The following POLA1 variants were observed in gnomAD, a reference collection of about 807,000 sequenced individuals.
POLA1 encodes DNA polymerase alpha 1, catalytic subunit, also known as DNA polymerase alpha catalytic subunit.
A neutral mutation model predicts 124.0 loss-of-function variants in POLA1; 15 were observed. The ratio of observed to expected loss-of-function variants is 0.12; its 90% CI spans 0.08 to 0.19. The LOEUF is 0.19. POLA1 is among the 10% of genes least tolerant of loss of function. The pLI, the probability that POLA1 is intolerant of heterozygous loss-of-function variation, is 1.00. For missense variants in POLA1, 886 were observed against 1,103.4 expected (o/e 0.80, Z 2.79); for synonymous variants, 408 against 389.4 (o/e 1.05, Z -0.56).
chrX:24,779,712 A>G (rs1038978538), intron 26 of POLA1, among the ~76,000 whole-genome samples: 1 of 111,883 alleles, frequency 8.9e-6, no homozygotes, highest in African/African-American at 3.3e-5. Context: ...GAGGCTTTAT[A>G]TATGTTAACT....
intron 35 of POLA1, among the ~76,000 whole-genome samples, chrX:24,912,012 CAG>C (rs1181513718): frequency 1.8e-5 from 2 of 112,362 alleles, no homozygotes; most frequent in Non-Finnish European, 3.8e-5. Flanking sequence ...GTAATCAAGA[CAG>C]TGTGGAACTG....
Position 24,709,470 on chromosome X carries a change from G to A in POLA1, c.346+5001G>A, listed in dbSNP as rs1929174472. On this transcript the variant is annotated intron_variant, in intron 4 of 36. Coordinates refer to ENST00000379068, the MANE Select transcript of POLA1 (RefSeq NM_001330360.2). ...CCCCCACCTCCCTCCCGGATGGGGC[G>A]GCTGGCCTGGCGGGGGCTGACCCCC... 2.8e-5 allele frequency among the ~76,000 whole-genome samples: 3 copies of A among 108,957 alleles called. No homozygotes were observed. The East Asian group carries it at 9.3e-4, about 34-fold the overall frequency. The allele number at this position is 108,957 out of a possible 115,157, so 94.6% of individuals were successfully genotyped here.
intron 34 of POLA1, among the ~76,000 whole-genome samples, chrX:24,868,916 A>G (rs1248161849): frequency 8.9e-6 from 1 of 111,756 alleles, no homozygotes; most frequent in Non-Finnish European, 1.9e-5. Context: ...GAGAGAAGAT[A>G]TGAGTGCTTG....
At chrX:24,943,494 G>C (rs1328443259) in intron 36 of POLA1, among the ~76,000 whole-genome samples, 1 of 112,060 alleles carries the variant, frequency 8.9e-6, no homozygotes, top group Non-Finnish European at 1.9e-5. Flanking sequence ...AAGTTTACTG[G>C]TATATTATAT....
intron 36 of POLA1, among the ~76,000 whole-genome samples, chrX:24,984,896 A>T (rs1009284613): frequency 9.1e-6 from 1 of 110,007 alleles, no homozygotes; most frequent in Non-Finnish European, 1.9e-5. Context: ...TCCTGACCTC[A>T]TGATCCGCCC....
chrX:24,984,391 C>T (rs968306865), intron 36 of POLA1, among the ~76,000 whole-genome samples: 7 of 111,983 alleles, frequency 6.3e-5, no homozygotes, highest in African/African-American at 2.3e-4. Context: ...TTCATCTTCT[C>T]TGCTATCATT....
intron 36 of POLA1, among the ~76,000 whole-genome samples, chrX:24,975,983 A>G (rs1178045744): frequency 1.8e-5 from 2 of 112,526 alleles, no homozygotes; most frequent in African/African-American, 3.2e-5. Context: ...TTTACTCACC[A>G]CAGTGCTAGA....
At chrX:24,853,629 C>T (rs1330119876) in intron 34 of POLA1, among the ~76,000 whole-genome samples, 1 of 112,153 alleles carries the variant, frequency 8.9e-6, no homozygotes, top group African/African-American at 3.2e-5. Context: ...ACAAATGTTC[C>T]AGTGAAAACT....
chrX:24,996,125 G>T lies in POLA1; in HGVS notation c.*175G>T. 2.4e-6 allele frequency: 1 copy of T among 414,519 alleles called. No homozygotes were observed. Among genetic ancestry groups the T allele is most frequent in the Non-Finnish European group, 4.2e-6 (1 of 238,977 alleles). 34.2% of individuals were successfully genotyped at this position (414,519 alleles called of 1,213,427 possible). On this transcript the variant is annotated 3_prime_UTR_variant, in exon 37 of 37. Transcript: ENST00000379068. ...TGCAAAAATGTTGAGTCTAATGTTC[G>T]TAAGCATCATAGAAATTCCTGTCTT...
At chrX:24,982,034 G>A (rs1368092978) in intron 36 of POLA1, among the ~76,000 whole-genome samples, 2 of 108,962 alleles carry the variant, frequency 1.8e-5, no homozygotes, top group African/African-American at 3.3e-5. Flanking sequence ...CCCCTTTTGC[G>A]TGGTGGTTGG....
intron 26 of POLA1, among the ~76,000 whole-genome samples, chrX:24,759,651 A>G (rs1932765704): frequency 2.7e-5 from 3 of 112,649 alleles, no homozygotes; most frequent in Non-Finnish European, 5.6e-5. Flanking sequence ...AGATAGGGAC[A>G]GAGTATTTTT....
At chrX:24,995,769 A>T (rs769548330) in intron 36 of POLA1, 36 bp from the exon 37 acceptor site, 19 of 1,153,373 alleles carry the variant, frequency 1.6e-5, no homozygotes, top group Non-Finnish European at 2.2e-5. Flanking sequence ...TAAAGAAACT[A>T]CCTGAGACTT....
At chrX:24,885,599 A>C (rs1049088177) in intron 34 of POLA1, among the ~76,000 whole-genome samples, 1 of 110,035 alleles carries the variant, frequency 9.1e-6, no homozygotes, top group Admixed American at 9.7e-5. Context: ...CAGTGGTGCA[A>C]TCTTGGCTCA....
chrX:24,781,581 G>A (rs1355689889), intron 26 of POLA1, among the ~76,000 whole-genome samples: 3 of 111,380 alleles, frequency 2.7e-5, no homozygotes, highest in Admixed American at 1.9e-4. Context: ...GAGAAATGTC[G>A]GGTTAGCTCT....
rs780596969 is a variant in POLA1 at position 24,983,575 on chromosome X, C to T, written c.4262-12230C>T. 1.3e-3 allele frequency among the ~76,000 whole-genome samples: 145 copies of T among 112,517 alleles called. 2 individuals carry two copies. The highest frequency in any genetic ancestry group is 4.4e-3 in the African/African-American group (136 of 30,987). On this transcript the variant is annotated intron_variant, in intron 36 of 36. Coordinates refer to ENST00000379068, the MANE Select transcript of POLA1 (RefSeq NM_001330360.2). Reference sequence around the variant, plus strand: ...CAGTATTGTTAAGAGTCTCCACGTTCTTAGCCTTATGTTAATTCAGAGTTC... The same window carrying T: ...CAGTATTGTTAAGAGTCTCCACGTTTTTAGCCTTATGTTAATTCAGAGTTC...
At chrX:24,869,912 T>C (rs1405549643) in intron 34 of POLA1, among the ~76,000 whole-genome samples, 2 of 112,510 alleles carry the variant, frequency 1.8e-5, no homozygotes, top group Non-Finnish European at 1.9e-5. Flanking sequence ...TGTTTTAATA[T>C]AGACCCAGCA....
At chrX:24,766,919 A>T (rs1932917990) in intron 26 of POLA1, among the ~76,000 whole-genome samples, 1 of 112,183 alleles carries the variant, frequency 8.9e-6, no homozygotes, top group African/African-American at 3.2e-5. Context: ...TTAGTTTTTT[A>T]AAATTCTCCT....
chrX:24,887,862 A>G, intron 34 of POLA1, 144 bp from the exon 35 acceptor site: 6 of 411,838 alleles, frequency 1.5e-5, no homozygotes, highest in Middle Eastern at 4.6e-4. Flanking sequence ...TCTAATTAAC[A>G]TGTCAGGAGA....
chrX:24,903,566 G>A (rs2047311786), intron 35 of POLA1, among the ~76,000 whole-genome samples: 1 of 112,032 alleles, frequency 8.9e-6, no homozygotes, highest in South Asian at 3.7e-4. Flanking sequence ...CTTAAAATAT[G>A]ACAACATATA....
Sources: allele counts gnomAD v4.1 joint callset (sites outside exome capture counted in the v4.1 genomes callset), GRCh38; gene constraint gnomAD v4.1.1; transcripts MANE v1.5; gene names NCBI Gene and HGNC (gene_info 2026-07-23, HGNC 2026-07-21).